The following ARHGAP24 variants were observed in gnomAD, a reference collection of about 807,000 sequenced individuals.
The protein encoded by ARHGAP24 is rho GTPase-activating protein 24.
ARHGAP24 carries 50 observed loss-of-function variants against 76.4 expected under a neutral mutation model. The ratio of observed to expected loss-of-function variants is 0.65; its 90% CI spans 0.52 to 0.83. ARHGAP24 has a LOEUF of 0.83. ARHGAP24 is among the 40% of genes least tolerant of loss of function. The pLI, the probability that ARHGAP24 is intolerant of heterozygous loss-of-function variation, is 0.00. For synonymous variants in ARHGAP24, 345 were observed against 323.3 expected (o/e 1.07, Z -0.72); for missense variants, 930 against 914.2 (o/e 1.02, Z -0.22).
At position 85,481,264 on chromosome 4, in the gene ARHGAP24, C is replaced by T. The variant is rs1439915529; in HGVS notation, c.-21+5705C>T. On this transcript the variant is annotated intron_variant, in intron 1 of 9. Coordinates refer to ENST00000395184, the MANE Select transcript of ARHGAP24 (RefSeq NM_001025616.3). ...GGCTCAGAGAGGTAAATAAAGTTAC[C>T]CAAGGTAATGTAGACTTGAACATCA... Among the ~76,000 whole-genome samples, 5 of 151,970 alleles carry T rather than the reference C, an allele frequency of 3.3e-5. No individual in the cohort carries two copies. In the South Asian group the frequency reaches 1.0e-3, roughly 32 times the overall value.
intron 3 of ARHGAP24, among the ~76,000 whole-genome samples, chr4:85,858,025 T>G (rs999424398): frequency 1.3e-5 from 2 of 152,202 alleles, no homozygotes; most frequent in African/African-American, 4.8e-5. Flanking sequence ...AAATATTTCT[T>G]TTAAACTTTT....
In ARHGAP24 at chr4:85,995,631, G is replaced by T; in HGVS notation, c.1977G>T (p.Lys659Asn). The T allele has an allele frequency of 6.2e-7, 1 of 1,613,972 alleles. No individual in the cohort carries two copies. The highest frequency in any genetic ancestry group is 8.5e-7 in the Non-Finnish European group (1 of 1,179,978). ...TGAAACAGGAAATGACCAAACAGAA[G>T]ATAGAGTATGAGTCCAGGATAAAGA... Reference protein sequence around the residue: ...SSLKQEMTKQKIEYESRIKSL... With the variant: ...SSLKQEMTKQNIEYESRIKSL... The change falls in exon 9 of 10, where the codon AAG becomes AAT. Residue 659 changes from lysine to asparagine, a missense_variant. Lys to Asn is a moderately conservative substitution (Grantham distance 94). Transcript: ENST00000395184.
intron 2 of ARHGAP24, among the ~76,000 whole-genome samples, chr4:85,650,694 C>T (rs1249977257): frequency 6.7e-6 from 1 of 148,774 alleles, no homozygotes; most frequent in Non-Finnish European, 1.5e-5. Flanking sequence ...AGCAGTAGTC[C>T]CTATACTCTA....
intron 2 of ARHGAP24, among the ~76,000 whole-genome samples, chr4:85,704,737 C>A (rs1172005224): frequency 6.6e-6 from 1 of 152,140 alleles, no homozygotes; most frequent in East Asian, 1.9e-4. Flanking sequence ...ACAGGTTCTA[C>A]ATTTCATTTT....
intron 1 of ARHGAP24, among the ~76,000 whole-genome samples, chr4:85,487,765 ATAATATATATT>A (rs1723167281): frequency 9.3e-6 from 1 of 107,060 alleles, no homozygotes; most frequent in African/African-American, 3.9e-5. Flanking sequence ...TATATATTAT[ATAATATATATT>A]TATTATATAT....
At chr4:85,477,955 T>C (rs1244756785) in intron 1 of ARHGAP24, among the ~76,000 whole-genome samples, 1 of 152,230 alleles carries the variant, frequency 6.6e-6, no homozygotes, top group Admixed American at 6.5e-5. Context: ...TTCTCATGAA[T>C]TGAGCTATGT....
At chr4:85,934,766 C>T (rs933082881) in intron 4 of ARHGAP24, among the ~76,000 whole-genome samples, 1 of 152,174 alleles carries the variant, frequency 6.6e-6, no homozygotes, top group Non-Finnish European at 1.5e-5. Flanking sequence ...CCTCCCACCT[C>T]GGCCTCCCAA....
At chr4:85,544,430 G>A (rs1560526588) in intron 1 of ARHGAP24, among the ~76,000 whole-genome samples, 1 of 152,046 alleles carries the variant, frequency 6.6e-6, no homozygotes, top group Non-Finnish European at 1.5e-5. Context: ...GTACTGAACT[G>A]TATAAGCTGA....
chr4:85,635,944 AT>A (rs1488960424), intron 2 of ARHGAP24, among the ~76,000 whole-genome samples: 2 of 151,418 alleles, frequency 1.3e-5, no homozygotes, highest in African/African-American at 4.8e-5. Context: ...ATTCTCCTTG[AT>A]TTCCTGCATC....
intron 3 of ARHGAP24, among the ~76,000 whole-genome samples, chr4:85,762,439 AT>A (rs2110073870): frequency 6.6e-6 from 1 of 152,200 alleles, no homozygotes; most frequent in Admixed American, 6.5e-5. Flanking sequence ...CAGCCTTCCC[AT>A]TTTCTCCACC....
intron 2 of ARHGAP24, among the ~76,000 whole-genome samples, chr4:85,692,139 A>T (rs945562179): frequency 6.6e-6 from 1 of 152,178 alleles, no homozygotes; most frequent in Non-Finnish European, 1.5e-5. Flanking sequence ...TTCTTTAAGG[A>T]TGCTGAAAAT....
At chr4:85,917,754 T>G (rs1735506379) in intron 3 of ARHGAP24, among the ~76,000 whole-genome samples, 1 of 152,170 alleles carries the variant, frequency 6.6e-6, no homozygotes, top group East Asian at 1.9e-4. Context: ...AAACTGTTTG[T>G]TTTTTAGTTC....
chr4:85,870,415 A>G (rs1289785863), intron 3 of ARHGAP24, among the ~76,000 whole-genome samples: 1 of 152,190 alleles, frequency 6.6e-6, no homozygotes, highest in African/African-American at 2.4e-5. Context: ...TTTGCTTTCC[A>G]GGAAGAAAGG....
intron 1 of ARHGAP24, among the ~76,000 whole-genome samples, chr4:85,560,676 T>C (rs1274297003): frequency 6.6e-6 from 1 of 152,234 alleles, no homozygotes; most frequent in Non-Finnish European, 1.5e-5. Context: ...TTAATTCCCA[T>C]TGTTCTTTTC....
intron 2 of ARHGAP24, among the ~76,000 whole-genome samples, chr4:85,611,709 T>C (rs1442845860): frequency 1.3e-5 from 2 of 152,180 alleles, no homozygotes; most frequent in Non-Finnish European, 2.9e-5. Context: ...TTAGAAAATG[T>C]GGAGAAAGAC....
chr4:85,578,581 G>A (rs1448508419), intron 2 of ARHGAP24, among the ~76,000 whole-genome samples: 1 of 152,116 alleles, frequency 6.6e-6, no homozygotes, highest in African/African-American at 2.4e-5. Context: ...ACCAGCTATA[G>A]GGCTTGGCTA....
chr4:85,602,627 A>G (rs1214336857), intron 2 of ARHGAP24, among the ~76,000 whole-genome samples: 1 of 152,178 alleles, frequency 6.6e-6, no homozygotes, highest in Non-Finnish European at 1.5e-5. Context: ...TATTAATCTG[A>G]TTCCAAATTA....
chr4:85,664,303 GTGT>G (rs1297993148), intron 2 of ARHGAP24, among the ~76,000 whole-genome samples: 1 of 151,044 alleles, frequency 6.6e-6, no homozygotes, highest in African/African-American at 2.5e-5. Flanking sequence ...TTGCGTAGAG[GTGT>G]TTGTAGTATT....
At chr4:85,526,062 A>T (rs1724979778) in intron 1 of ARHGAP24, among the ~76,000 whole-genome samples, 1 of 152,126 alleles carries the variant, frequency 6.6e-6, no homozygotes. Flanking sequence ...GTTTGTCCAG[A>T]TACCTGTATT....
Sources: allele counts gnomAD v4.1 joint callset (sites outside exome capture counted in the v4.1 genomes callset), GRCh38; gene constraint gnomAD v4.1.1; transcripts MANE v1.5; gene names NCBI Gene and HGNC (gene_info 2026-07-23, HGNC 2026-07-21).